Variants in CST1 observed in about 807,000 individuals in gnomAD.
CST1 encodes the protein cystatin-SN.
In CST1, 19 loss-of-function variants were observed where a neutral mutation model predicts 10.7. That is an observed-to-expected ratio of 1.78 (90% CI 1.24 to 2.61). CST1 has a LOEUF of 2.61. Among genes scored for constraint, CST1 ranks in the 30% most tolerant of loss-of-function variants. The probability of loss-of-function intolerance (pLI) is 0.00; values close to 1 mark genes in which losing one functional copy is unlikely to be tolerated. For synonymous variants in CST1, 95 were observed against 72.8 expected (o/e 1.31, Z -1.55); for missense variants, 247 against 178.1 (o/e 1.39, Z -2.20).
In CST1 at chr20:23,750,670, C is replaced by T. The variant is rs758187154; in HGVS notation, c.197G>A (p.Arg66His). 24 of 1,613,922 alleles carry T rather than the reference C, an allele frequency of 1.5e-5. No individual in the cohort carries two copies. The South Asian group carries it at 1.6e-4, about 11-fold the overall frequency. Reference sequence around the variant, plus strand: ...CCTGGCTCTTAGTACCCGCAGCGGACGTCTGTAGTAGTCATCTTTGGTGGC... The same window carrying T: ...CCTGGCTCTTAGTACCCGCAGCGGATGTCTGTAGTAGTCATCTTTGGTGGC... ...NKATKDDYYR[R>H]PLRVLRARQQ... The change falls in exon 1 of 3, where the codon CGT becomes CAT. Residue 66 changes from arginine to histidine, a missense_variant. Transcript: ENST00000304749.
At chr20:23,749,900 C>A (rs1754934904) in intron 1 of CST1, among the ~76,000 whole-genome samples, 1 of 149,782 alleles carries the variant, frequency 6.7e-6, no homozygotes, top group African/African-American at 2.5e-5. Flanking sequence ...CTGACAGCTG[C>A]AAGAGGAGAA....
At chr20:23,748,264 G>A (rs1391203092) in intron 2 of CST1, among the ~76,000 whole-genome samples, 1 of 152,090 alleles carries the variant, frequency 6.6e-6, no homozygotes, top group Non-Finnish European at 1.5e-5. Context: ...CACTAAGAGG[G>A]GCCAGAGGGA....
rs1368817424 is a variant in CST1, at chr20:23,750,813, G to A, written c.54C>T (p.Ala18=). ...LLLLLATLAV[A]LAWSPKEEDR... ...CCTCCTCCTTGGGGCTCCAGGCCAG[G>A]GCCACAGCTAGGGTGGCCAGCAGGA... The change falls in exon 1 of 3, where the codon GCC becomes GCT. Residue 18 remains alanine, a synonymous_variant. Transcript: ENST00000304749. 3.7e-6 allele frequency: 6 copies of A among 1,614,022 alleles called. No homozygotes were observed. The highest frequency in any genetic ancestry group is 1.7e-5 in the Admixed American group (1 of 60,006).
chr20:23,747,606 A>G lies in CST1; in HGVS notation c.*210T>C, dbSNP rs1982694805. 1.7e-6 allele frequency: 1 copy of G among 597,988 alleles called. No homozygotes were observed. The highest frequency in any genetic ancestry group is 1.9e-5 in the African/African-American group (1 of 53,772). 37.0% of individuals were successfully genotyped at this position (597,988 alleles called of 1,614,324 possible). On this transcript the variant is annotated 3_prime_UTR_variant, in exon 3 of 3. Coordinates refer to ENST00000304749, the MANE Select transcript of CST1 (RefSeq NM_001898.3). ...TGCAGGAGGTGGGGGGGTGTGTACCATGTACCAGGGCTATTAGAAGCAAGA... is the reference window on the plus strand; with the variant it reads ...TGCAGGAGGTGGGGGGGTGTGTACCGTGTACCAGGGCTATTAGAAGCAAGA...
chr20:23,750,579 G>A, intron 1 of CST1, 60 bp downstream of exon 1: 1 of 1,444,954 alleles, frequency 6.9e-7, no homozygotes, highest in African/African-American at 1.4e-5. Context: ...GAATGCTCTT[G>A]GGGGTTGGGG....
intron 2 of CST1, among the ~76,000 whole-genome samples, chr20:23,748,177 C>T (rs529993400): frequency 4.6e-5 from 7 of 152,194 alleles, no homozygotes; most frequent in South Asian, 2.1e-4. Context: ...GGCAAGGCCT[C>T]GGGAGCCCCA....
rs778539657 is a variant in CST1, at chr20:23,747,915, G to C, written c.343-16C>G. On this transcript the variant is annotated splice_polypyrimidine_tract_variant and intron_variant, in intron 2 of 2. Coordinates refer to ENST00000304749, the MANE Select transcript of CST1 (RefSeq NM_001898.3). The stretch of plus-strand genomic sequence containing the variant: ...ACAACTGTTTCTGTGAAAGGGAAGA[G>C]AGAGGGCCAATCAGTGTGGGTTACA... 2.8e-5 allele frequency: 45 copies of C among 1,607,536 alleles called. No individual in the cohort carries two copies. The highest frequency in any genetic ancestry group is 3.2e-5 in the Non-Finnish European group (38 of 1,174,188).
At position 23,750,674 on chromosome 20, in the gene CST1, T is replaced by A; in HGVS notation, c.193A>T (p.Arg65Ter). Reference protein sequence around the residue: ...YNKATKDDYYRRPLRVLRARQ... With the variant: ...YNKATKDDYY ...GCTCTTAGTACCCGCAGCGGACGTC[T>A]GTAGTAGTCATCTTTGGTGGCCTTG... is the stretch of plus-strand genomic sequence containing the variant. The change falls in exon 1 of 3, where the codon AGA becomes TGA. Residue 65 changes from arginine to a stop codon, truncating the protein, a stop_gained. Coordinates refer to ENST00000304749, the MANE Select transcript of CST1 (RefSeq NM_001898.3). LOFTEE classifies it high-confidence loss of function. The A allele has an allele frequency of 6.2e-7, 1 of 1,614,036 alleles. No individual in the cohort carries two copies. The highest frequency in any genetic ancestry group is 8.5e-7 in the Non-Finnish European group (1 of 1,180,008).
At chr20:23,748,965 C>A in intron 2 of CST1, 51 bp downstream of exon 2, 3 of 1,599,780 alleles carry the variant, frequency 1.9e-6, no homozygotes, top group Non-Finnish European at 2.6e-6. Context: ...CTGACACATA[C>A]GCACCCCTCT....
At chr20:23,749,161 C>T in intron 1 of CST1, 32 bp from the exon 2 acceptor site, 2 of 1,609,692 alleles carry the variant, frequency 1.2e-6, no homozygotes, top group Non-Finnish European at 1.7e-6. Flanking sequence ...ACAGCGCCCC[C>T]ATCAGTTCAT....
Position 23,747,864 on chromosome 20 carries a change from G to C in CST1, c.378C>G (p.Pro126=), listed in dbSNP as rs780083129. The change falls in exon 3 of 3, where the codon CCC becomes CCG. Residue 126 remains proline, a synonymous_variant. Transcript: ENST00000304749. ...TCACCAGGGACCTTCTGTTCTCCCA[G>C]GGAACTTCGTAGATCTCGAAAGAGC... ...QLCSFEIYEV[P]WENRRSLVKS... The C allele has an allele frequency of 1.2e-6, 2 of 1,614,016 alleles. No homozygotes were observed.
At chr20:23,748,959 C>T in intron 2 of CST1, 57 bp downstream of exon 2, 1 of 1,602,920 alleles carries the variant, frequency 6.2e-7, no homozygotes, top group Non-Finnish European at 8.5e-7. Flanking sequence ...CAGAGGCTGA[C>T]ACATACGCAC....
Position 23,750,625 on chromosome 20 carries a change from G to A in CST1, c.228+14C>T. The A allele has an allele frequency of 6.2e-7, 1 of 1,613,132 alleles. No homozygotes were observed. The highest frequency in any genetic ancestry group is 8.5e-7 in the Non-Finnish European group (1 of 1,179,488). On this transcript the variant is annotated intron_variant, in intron 1 of 2. Transcript: ENST00000304749. ...GCTGGGACCCAGGACCCCTGGGGTG[G>A]AGGGAGCACCTACCTGTTGCCTGGC...
At chr20:23,750,290 C>T (rs1345032603) in intron 1 of CST1, among the ~76,000 whole-genome samples, 1 of 152,164 alleles carries the variant, frequency 6.6e-6, no homozygotes, top group Non-Finnish European at 1.5e-5. Flanking sequence ...GTGGCCCCTG[C>T]AGAGAGGACT....
At position 23,749,109 on chromosome 20, in the gene CST1, G is replaced by C; in HGVS notation, c.249C>G (p.Tyr83Ter). ...ARQQTVGGVN[Y>*]FFDVEVGRTI... ...TGCGGCCCACCTCTACGTCGAAGAA[G>C]TAATTCACCCCCCCAACGGTCTGCA... The change falls in exon 2 of 3, where the codon TAC (tyrosine) becomes TAG (stop). Residue 83 changes from tyrosine to a stop codon, truncating the protein, a stop_gained. Transcript: ENST00000304749. LOFTEE classifies it high-confidence loss of function. 6.2e-7 allele frequency: 1 copy of C among 1,614,162 alleles called. No homozygotes were observed. Among genetic ancestry groups the C allele is most frequent in the Non-Finnish European group, 8.5e-7 (1 of 1,180,022 alleles).
Position 23,749,106 on chromosome 20 carries a change from G to A in CST1, c.252C>T (p.Phe84=). 6.2e-7 allele frequency: 1 copy of A among 1,614,124 alleles called. No individual in the cohort carries two copies. The highest frequency in any genetic ancestry group is 8.5e-7 in the Non-Finnish European group (1 of 1,180,024). The part of the protein sequence containing the change: ...RQQTVGGVNY[F]FDVEVGRTIC... ...TGGTGCGGCCCACCTCTACGTCGAAGAAGTAATTCACCCCCCCAACGGTCT... is the reference window on the plus strand; with the variant it reads ...TGGTGCGGCCCACCTCTACGTCGAAAAAGTAATTCACCCCCCCAACGGTCT... Residue 84 remains phenylalanine, a synonymous_variant, in exon 2 of 3, where the codon TTC becomes TTT. Transcript: ENST00000304749.
intron 2 of CST1, among the ~76,000 whole-genome samples, chr20:23,748,403 G>A (rs1982730284): frequency 6.6e-6 from 1 of 152,092 alleles, no homozygotes; most frequent in Admixed American, 6.5e-5. Context: ...GCTGGTGTTG[G>A]GTGAGCCGGG....
rs1315641235 is a variant in CST1 at position 23,750,631 on chromosome 20, G to A, written c.228+8C>T. On this transcript the variant is annotated splice_region_variant and intron_variant, in intron 1 of 2. Transcript: ENST00000304749. ...ACCCAGGACCCCTGGGGTGGAGGGAGCACCTACCTGTTGCCTGGCTCTTAG... is the reference window on the plus strand; with the variant it reads ...ACCCAGGACCCCTGGGGTGGAGGGAACACCTACCTGTTGCCTGGCTCTTAG... 1.9e-6 allele frequency: 3 copies of A among 1,613,360 alleles called. No homozygotes were observed. The highest frequency in any genetic ancestry group is 2.2e-5 in the South Asian group (2 of 91,052).
At chr20:23,749,478 C>T (rs1176764521) in intron 1 of CST1, among the ~76,000 whole-genome samples, 5 of 152,182 alleles carry the variant, frequency 3.3e-5, no homozygotes, top group African/African-American at 9.7e-5. Context: ...TTACTTCACT[C>T]AGAGTAGGAA....
Sources: allele counts gnomAD v4.1 joint callset (sites outside exome capture counted in the v4.1 genomes callset), GRCh38; gene constraint gnomAD v4.1.1; transcripts MANE v1.5; gene names NCBI Gene and HGNC (gene_info 2026-07-23, HGNC 2026-07-21).